Variants in ULK4 observed in about 807,000 individuals in gnomAD.
The protein encoded by ULK4 is unc-51 like kinase 4, also known as inactive serine/threonine-protein kinase ULK4.
Under a neutral mutation model 160.6 loss-of-function variants are expected in ULK4, and 133 were observed. The observed-to-expected ratio is 0.83, with a 90% CI of 0.72 to 0.96. The LOEUF (loss-of-function observed/expected upper bound fraction) is 0.96, where lower values mean the gene tolerates loss of function less well. ULK4 is among the 40% of genes least tolerant of loss of function. The probability of loss-of-function intolerance (pLI) is 0.00; values close to 1 mark genes in which losing one functional copy is unlikely to be tolerated. For synonymous variants in ULK4, 534 were observed against 539.8 expected (o/e 0.99, Z 0.15); for missense variants, 1,580 against 1,499.5 (o/e 1.05, Z -0.89).
chr3:41,652,607 G>A (rs190982063), intron 30 of ULK4, among the ~76,000 whole-genome samples: 5 of 152,276 alleles, frequency 3.3e-5, no homozygotes, highest in African/African-American at 4.8e-5. Context: ...CTCAAACTAC[G>A]AATCAAATAG....
chr3:41,684,621 G>T (rs142492826), intron 27 of ULK4, among the ~76,000 whole-genome samples: 1 of 152,128 alleles, frequency 6.6e-6, no homozygotes, highest in Non-Finnish European at 1.5e-5. Context: ...TGTCTTAAAA[G>T]GTCCCACCCC....
intron 35 of ULK4, among the ~76,000 whole-genome samples, chr3:41,379,630 C>A (rs1250893461): frequency 6.6e-6 from 1 of 152,178 alleles, no homozygotes; most frequent in Non-Finnish European, 1.5e-5. Flanking sequence ...GGGGCACTAA[C>A]CCTTGCCCAG....
In ULK4 at chr3:41,373,037, A is replaced by T. The variant is rs9843415; in HGVS notation, c.3678+25042T>A. On this transcript the variant is annotated intron_variant, in intron 35 of 36. Coordinates refer to ENST00000301831, the MANE Select transcript of ULK4 (RefSeq NM_017886.4). The stretch of plus-strand genomic sequence containing the variant: ...TTAAACAAACAACAACAAAAAAGAC[A>T]ATGAAGGGCATTATGTAATAGTAAA... Among the ~76,000 whole-genome samples the T allele has an allele frequency of 1.6e-4, 24 of 152,084 alleles. No individual in the cohort carries two copies. In the South Asian group the frequency reaches 5.0e-3, roughly 32 times the overall value.
rs181860375 is a variant in ULK4 at position 41,619,567 on chromosome 3, T to C, written c.3072-3850A>G. Among the ~76,000 whole-genome samples, 166 of 152,028 alleles carry C rather than the reference T, an allele frequency of 1.1e-3. 1 individual carries two copies. The highest frequency in any genetic ancestry group is 3.9e-3 in the African/African-American group (160 of 41,448). Reference sequence around the variant, plus strand: ...CAGAAATAAAGTTATTTGAGACCAATGAAAACAAAGACACAATGTACCAGA... The same window carrying C: ...CAGAAATAAAGTTATTTGAGACCAACGAAAACAAAGACACAATGTACCAGA... On this transcript the variant is annotated intron_variant, in intron 30 of 36. Transcript: ENST00000301831.
intron 35 of ULK4, among the ~76,000 whole-genome samples, chr3:41,295,966 C>T (rs1171821820): frequency 6.6e-6 from 1 of 152,182 alleles, no homozygotes; most frequent in East Asian, 1.9e-4. Context: ...TTTATAGCAG[C>T]TTTACTCATA....
At chr3:41,955,223 G>A (rs1444259000) in intron 1 of ULK4, among the ~76,000 whole-genome samples, 1 of 152,232 alleles carries the variant, frequency 6.6e-6, no homozygotes, top group Non-Finnish European at 1.5e-5. Flanking sequence ...CCGGGAGGCG[G>A]AGGCTGCAGT....
chr3:41,663,668 C>T lies in ULK4; in HGVS notation c.3010G>A (p.Val1004Ile). The change falls in exon 30 of 37, where the codon GTA becomes ATA. Residue 1004 changes from valine (V) to isoleucine (I), a missense_variant. Transcript: ENST00000301831. The stretch of plus-strand genomic sequence containing the variant: ...AGCAGTTTCAGAGCATATGCTGGTA[C>T]TGGGTCAGGTTCTAAAAGAATGTGC... ...YEHILLEPDP[V>I]PAYALKLLVA... 3 of 1,613,890 alleles carry T rather than the reference C, an allele frequency of 1.9e-6. No homozygotes were observed. The highest frequency in any genetic ancestry group is 2.5e-6 in the Non-Finnish European group (3 of 1,179,888).
rs141652734 is a variant in ULK4 at position 41,390,778 on chromosome 3, T to C, written c.3678+7301A>G. Reference sequence around the variant, plus strand: ...CTTTTACATTTGCTGAGGAGTGCTTTACTTCCAACTATGTGGTCTATTTTG... The same window carrying C: ...CTTTTACATTTGCTGAGGAGTGCTTCACTTCCAACTATGTGGTCTATTTTG... On this transcript the variant is annotated intron_variant, in intron 35 of 36. Transcript: ENST00000301831. Among the ~76,000 whole-genome samples, 883 of 152,308 alleles carry C rather than the reference T, an allele frequency of 5.8e-3. 3 individuals carry two copies. The highest frequency in any genetic ancestry group is 0.011 in the Non-Finnish European group (722 of 68,036).
intron 5 of ULK4, among the ~76,000 whole-genome samples, chr3:41,923,899 C>A: frequency 6.6e-6 from 1 of 152,196 alleles, no homozygotes; most frequent in Non-Finnish European, 1.5e-5. Context: ...ATCCCTCTTA[C>A]ACTAGGCCAC....
In ULK4 at chr3:41,789,838, C is replaced by A; in HGVS notation, c.2016G>T (p.Leu672Phe). ...TAGGAGAATGGCGAGTGATTCTACA[C>A]AAGGCCTACAAAGACAAGAGAACAG... ...DSLRITAVSA[L>F]CRITRHSPTA... Residue 672 changes from leucine to phenylalanine, a missense_variant, in exon 21 of 37, where the codon TTG becomes TTT. Coordinates refer to ENST00000301831, the MANE Select transcript of ULK4 (RefSeq NM_017886.4). 1 of 1,604,318 alleles carries A rather than the reference C, an allele frequency of 6.2e-7. No homozygotes were observed. Among genetic ancestry groups the A allele is most frequent in the Non-Finnish European group, 8.5e-7 (1 of 1,175,760 alleles).
At chr3:41,764,440 T>C (rs1353776567) in intron 21 of ULK4, among the ~76,000 whole-genome samples, 3 of 151,928 alleles carry the variant, frequency 2.0e-5, no homozygotes, top group Non-Finnish European at 4.4e-5. Context: ...GGAACAAAAA[T>C]ACAAATCATA....
intron 35 of ULK4, among the ~76,000 whole-genome samples, chr3:41,328,874 T>C (rs1274727453): frequency 6.6e-6 from 1 of 152,202 alleles, no homozygotes; most frequent in Non-Finnish European, 1.5e-5. Flanking sequence ...ACACATGATA[T>C]TCTCTGGTTC....
chr3:41,951,764 G>C (rs547402908), intron 2 of ULK4, among the ~76,000 whole-genome samples: 158 of 152,300 alleles, frequency 1.0e-3, no homozygotes, highest in African/African-American at 3.4e-3. Flanking sequence ...GAGGCGATTA[G>C]GTCATCAGGG....
chr3:41,833,639 TC>T, intron 18 of ULK4, among the ~76,000 whole-genome samples: 1 of 152,154 alleles, frequency 6.6e-6, no homozygotes, highest in Non-Finnish European at 1.5e-5. Flanking sequence ...GGCAGTTCAT[TC>T]ATGATTTGGC....
At chr3:41,730,508 GA>G (rs2037787161) in intron 22 of ULK4, among the ~76,000 whole-genome samples, 1 of 151,990 alleles carries the variant, frequency 6.6e-6, no homozygotes, top group African/African-American at 2.4e-5. Flanking sequence ...CCAAAAAGTT[GA>G]AAAATCTATC....
At chr3:41,731,469 G>A (rs1206314714) in intron 22 of ULK4, among the ~76,000 whole-genome samples, 1 of 151,920 alleles carries the variant, frequency 6.6e-6, no homozygotes, top group Admixed American at 6.6e-5. Flanking sequence ...CAGTGATGAA[G>A]AAATTAAACA....
intron 18 of ULK4, among the ~76,000 whole-genome samples, chr3:41,826,131 G>T (rs2041341846): frequency 6.6e-6 from 1 of 152,086 alleles, no homozygotes; most frequent in Non-Finnish European, 1.5e-5. Context: ...ACACCACCAG[G>T]CCTGCCCTAC....
intron 27 of ULK4, among the ~76,000 whole-genome samples, chr3:41,688,626 T>C (rs967570356): frequency 2.6e-5 from 4 of 152,220 alleles, no homozygotes; most frequent in Admixed American, 6.5e-5. Context: ...AAATCTGATT[T>C]GTTTTTGTAT....
At chr3:41,740,831 A>G (rs1465840185) in intron 22 of ULK4, among the ~76,000 whole-genome samples, 30 of 152,062 alleles carry the variant, frequency 2.0e-4, no homozygotes, top group Admixed American at 1.3e-3. Context: ...GTATAAACTC[A>G]TCACAGAGAA....
Sources: allele counts gnomAD v4.1 joint callset (sites outside exome capture counted in the v4.1 genomes callset), GRCh38; gene constraint gnomAD v4.1.1; transcripts MANE v1.5; gene names NCBI Gene and HGNC (gene_info 2026-07-23, HGNC 2026-07-21).